DMD: variants seen among roughly 807,000 people sequenced by gnomAD.
DMD encodes dystrophin, also known as mutant dystrophin.
In DMD, 63 loss-of-function variants were observed where a neutral mutation model predicts 330.1. That is an observed-to-expected ratio of 0.19 (90% CI 0.16 to 0.24). The LOEUF is 0.24. DMD is among the 10% of genes least tolerant of loss of function. The pLI is 1.00. For synonymous variants in DMD, 1,223 were observed against 959.8 expected (o/e 1.27, Z -5.07); for missense variants, 3,344 against 2,684.1 (o/e 1.25, Z -5.43).
chrX:32,886,688 A>T (rs1234107245), intron 2 of DMD, among the ~76,000 whole-genome samples: 1 of 111,650 alleles, frequency 9.0e-6, no homozygotes, highest in Non-Finnish European at 1.9e-5. Context: ...GTCTCAAAAA[A>T]AAAGGTAATA....
At position 32,990,386 on chromosome X, in the gene DMD, G is replaced by C. The variant is rs775789020; in HGVS notation, c.93+29753C>G. 1.8e-4 allele frequency among the ~76,000 whole-genome samples: 20 copies of C among 111,780 alleles called. No homozygotes were observed. The South Asian group carries it at 3.4e-3, about 19-fold the overall frequency. On this transcript the variant is annotated intron_variant, in intron 2 of 78. Coordinates refer to ENST00000357033, the MANE Select transcript of DMD (RefSeq NM_004006.3). ...AAGACACCGTTATCAACTGAGTGCA[G>C]TGTAATTCATCAGTCATTGATAAAA...
intron 60 of DMD, among the ~76,000 whole-genome samples, chrX:31,370,077 C>A (rs375741324): frequency 1.0e-4 from 9 of 86,080 alleles, no homozygotes; most frequent in Non-Finnish European, 1.7e-4. Context: ...CCAAGCTGGG[C>A]GACAGAGCGA....
At chrX:32,402,418 A>G (rs1315118116) in intron 30 of DMD, among the ~76,000 whole-genome samples, 1 of 111,588 alleles carries the variant, frequency 9.0e-6, no homozygotes, top group African/African-American at 3.2e-5. Context: ...AGTCATGTAT[A>G]TATCACCACA....
rs770849062 is a variant in DMD at position 33,118,712 on chromosome X, A to G, written c.31+92570T>C. Among the ~76,000 whole-genome samples the G allele has an allele frequency of 5.3e-5, 6 of 112,166 alleles. No homozygotes were observed. In the East Asian group the frequency reaches 1.7e-3, roughly 32 times the overall value. On this transcript the variant is annotated intron_variant, in intron 1 of 78. Coordinates refer to ENST00000357033, the MANE Select transcript of DMD (RefSeq NM_004006.3). Reference sequence around the variant, plus strand: ...TGTGATAACCTGATATGCTCCCCTCAAAAGTCCCTTGGAATTAGCCTAGCT... The same window carrying G: ...TGTGATAACCTGATATGCTCCCCTCGAAAGTCCCTTGGAATTAGCCTAGCT...
chrX:32,934,624 T>C (rs2089850773), intron 2 of DMD, among the ~76,000 whole-genome samples: 1 of 111,947 alleles, frequency 8.9e-6, no homozygotes. Context: ...AATGTGATAT[T>C]TGATGCATAA....
At chrX:32,408,819 A>G (rs2098129391) in intron 30 of DMD, among the ~76,000 whole-genome samples, 1 of 111,414 alleles carries the variant, frequency 9.0e-6, no homozygotes, top group African/African-American at 3.3e-5. Flanking sequence ...TGTTAATACA[A>G]TGCATTGAAG....
intron 22 of DMD, 140 bp downstream of exon 22, chrX:32,472,024 A>G: frequency 1.4e-6 from 1 of 705,754 alleles, no homozygotes. Flanking sequence ...TAATACTGTA[A>G]AGTCTCATTT....
intron 50 of DMD, among the ~76,000 whole-genome samples, chrX:31,817,628 A>T (rs769025504): frequency 8.9e-6 from 1 of 111,747 alleles, no homozygotes; most frequent in African/African-American, 3.3e-5. Context: ...AGCTATCACC[A>T]AACAGCTTTG....
chrX:32,805,315 A>C (rs934960982), intron 7 of DMD, among the ~76,000 whole-genome samples: 1 of 111,989 alleles, frequency 8.9e-6, no homozygotes, highest in Admixed American at 9.5e-5. Flanking sequence ...TTCATGAAGC[A>C]TACACAAGTA....
Position 32,590,966 on chromosome X carries a change from T to C in DMD, c.1602+4791A>G, listed in dbSNP as rs1231030421. On this transcript the variant is annotated intron_variant, in intron 13 of 78. Transcript: ENST00000357033. ...CCATCCATCCATCCAGTGGGTTCTG[T>C]CCTTCTAGAGAACCTTAATACACTC... Among the ~76,000 whole-genome samples, 3 of 111,857 alleles carry C rather than the reference T, an allele frequency of 2.7e-5. No homozygotes were observed. In the Admixed American group the frequency reaches 2.9e-4, roughly 11 times the overall value.
At chrX:32,123,643 A>T (rs2096648828) in intron 44 of DMD, among the ~76,000 whole-genome samples, 1 of 111,948 alleles carries the variant, frequency 8.9e-6, no homozygotes, top group East Asian at 2.8e-4. Flanking sequence ...TTCACAGGCC[A>T]GCCTAAATTT....
At chrX:31,969,600 T>C (rs1292894122) in intron 44 of DMD, among the ~76,000 whole-genome samples, 3 of 111,468 alleles carry the variant, frequency 2.7e-5, no homozygotes, top group Non-Finnish European at 5.7e-5. Context: ...CCCCAGTACA[T>C]GCTTCCTAAA....
intron 41 of DMD, among the ~76,000 whole-genome samples, chrX:32,317,434 C>T: frequency 9.0e-6 from 1 of 111,479 alleles, no homozygotes. Context: ...GTATCACTCA[C>T]AAAGTTTTGA....
intron 53 of DMD, among the ~76,000 whole-genome samples, chrX:31,677,527 C>T (rs774437214): frequency 6.2e-5 from 7 of 112,304 alleles, no homozygotes; most frequent in African/African-American, 2.3e-4. Flanking sequence ...ATGCTGACTA[C>T]CTCACGAATA....
At position 31,692,259 on chromosome X, in the gene DMD, G is replaced by C. The variant is rs746099414; in HGVS notation, c.7661-12673C>G. On this transcript the variant is annotated intron_variant, in intron 52 of 78. Transcript: ENST00000357033. ...CAACATAGAAAAACTTCTGGGGGTAGCAAAAGCAGTGCTAAGAGGGAAGTT... is the reference window on the plus strand; with the variant it reads ...CAACATAGAAAAACTTCTGGGGGTACCAAAAGCAGTGCTAAGAGGGAAGTT... 8.1e-5 allele frequency among the ~76,000 whole-genome samples: 9 copies of C among 111,295 alleles called. No individual in the cohort carries two copies. In the South Asian group the frequency reaches 3.4e-3, roughly 42 times the overall value.
chrX:33,104,357 G>A (rs1318374707), intron 1 of DMD, among the ~76,000 whole-genome samples: 3 of 111,525 alleles, frequency 2.7e-5, no homozygotes, highest in East Asian at 5.7e-4. Flanking sequence ...TGATCTGCAC[G>A]TACACATCCA....
At chrX:33,307,607 C>A (rs749290487) in intron 1 of DMD, among the ~76,000 whole-genome samples, 1 of 111,931 alleles carries the variant, frequency 8.9e-6, no homozygotes, top group East Asian at 2.8e-4. Context: ...GCAGGAGAAT[C>A]ACTTGAACCC....
intron 62 of DMD, among the ~76,000 whole-genome samples, chrX:31,321,583 C>CAAAA (rs1190446358): frequency 9.1e-3 from 93 of 10,274 alleles, no homozygotes; most frequent in Middle Eastern, 0.071. Flanking sequence ...AACTCCATCT[C>CAAAA]AAAAAAAAAA....
intron 62 of DMD, among the ~76,000 whole-genome samples, chrX:31,294,441 C>T (rs894628389): frequency 5.3e-5 from 6 of 112,284 alleles, no homozygotes; most frequent in Non-Finnish European, 1.1e-4. Context: ...ATTAGAAAGA[C>T]CATGGGATCA....
Sources: gnomAD v4.1 joint callset for allele counts (sites outside exome capture counted in the v4.1 genomes callset) on GRCh38, gnomAD v4.1.1 for gene constraint, MANE v1.5 for transcripts, NCBI Gene and HGNC (gene_info 2026-07-23, HGNC 2026-07-21) for gene names.